The following KCNIP4 variants were observed in gnomAD, a reference collection of about 807,000 sequenced individuals.
KCNIP4 encodes Kv channel-interacting protein 4.
In KCNIP4, 12 loss-of-function variants were observed where a neutral mutation model predicts 34.0. The observed-to-expected ratio is 0.35, with a 90% CI of 0.23 to 0.57. The LOEUF is 0.57. KCNIP4 is among the 20% of genes least tolerant of loss of function. The pLI is 0.83. For missense variants in KCNIP4, 238 were observed against 311.7 expected (o/e 0.76, Z 1.78); for synonymous variants, 124 against 102.2 (o/e 1.21, Z -1.29).
At chr4:21,276,346 A>T (rs1212988842) in intron 1 of KCNIP4, among the ~76,000 whole-genome samples, 1 of 149,116 alleles carries the variant, frequency 6.7e-6, no homozygotes, top group Non-Finnish European at 1.5e-5. Flanking sequence ...TAGTCCTAGT[A>T]AACTGAGATT....
intron 1 of KCNIP4, among the ~76,000 whole-genome samples, chr4:21,864,532 A>C (rs1725302427): frequency 6.6e-6 from 1 of 152,232 alleles, no homozygotes; most frequent in African/African-American, 2.4e-5. Context: ...GAAAAATCTC[A>C]GGATTCCTCC....
At chr4:20,791,291 T>G (rs1712722892) in intron 3 of KCNIP4, among the ~76,000 whole-genome samples, 1 of 152,086 alleles carries the variant, frequency 6.6e-6, no homozygotes, top group South Asian at 2.1e-4. Flanking sequence ...ACAAGAAATG[T>G]TGAAAAAAGT....
intron 3 of KCNIP4, among the ~76,000 whole-genome samples, chr4:20,833,786 C>T (rs1718716931): frequency 6.6e-6 from 1 of 152,148 alleles, no homozygotes; most frequent in South Asian, 2.1e-4. Flanking sequence ...TTCTAAGGGC[C>T]CTGCAGACTG....
chr4:21,514,847 A>C (rs2109931799), intron 1 of KCNIP4, among the ~76,000 whole-genome samples: 1 of 152,292 alleles, frequency 6.6e-6, no homozygotes, highest in African/African-American at 2.4e-5. Context: ...TCACTATCTA[A>C]GCCTGATGTA....
At chr4:21,029,111 C>G (rs956138384) in intron 1 of KCNIP4, among the ~76,000 whole-genome samples, 3 of 152,066 alleles carry the variant, frequency 2.0e-5, no homozygotes, top group Admixed American at 2.0e-4. Flanking sequence ...ATTATCTATA[C>G]GTTTAAAATG....
intron 1 of KCNIP4, among the ~76,000 whole-genome samples, chr4:21,937,780 C>T (rs1490927344): frequency 6.6e-6 from 1 of 152,034 alleles, no homozygotes; most frequent in African/African-American, 2.4e-5. Flanking sequence ...GTACTCTCTG[C>T]CTTCCACTGC....
intron 1 of KCNIP4, among the ~76,000 whole-genome samples, chr4:21,727,728 C>T (rs1715299789): frequency 6.6e-6 from 1 of 152,014 alleles, no homozygotes; most frequent in South Asian, 2.1e-4. Flanking sequence ...ACTCAGGAGG[C>T]TGAGACACAA....
intron 1 of KCNIP4, among the ~76,000 whole-genome samples, chr4:21,637,488 G>A (rs1311841892): frequency 6.6e-6 from 1 of 152,000 alleles, no homozygotes; most frequent in Admixed American, 6.6e-5. Context: ...CTTAAAAGAT[G>A]AGAAAACAGG....
chr4:21,219,653 G>C (rs1757848151), intron 1 of KCNIP4, among the ~76,000 whole-genome samples: 1 of 152,138 alleles, frequency 6.6e-6, no homozygotes, highest in Non-Finnish European at 1.5e-5. Context: ...ATTGTAAGGA[G>C]ACCTCAGAGA....
chr4:21,190,330 G>A (rs113139739), intron 1 of KCNIP4, among the ~76,000 whole-genome samples: 8 of 152,046 alleles, frequency 5.3e-5, no homozygotes, highest in South Asian at 2.1e-4. Context: ...GTATTGGTTC[G>A]TTGGTATTGG....
intron 1 of KCNIP4, among the ~76,000 whole-genome samples, chr4:21,721,902 A>G (rs1386598262): frequency 6.6e-6 from 1 of 152,210 alleles, no homozygotes; most frequent in East Asian, 1.9e-4. Context: ...TGCTGTGTTC[A>G]TAAGACATGA....
chr4:20,931,094 T>C (rs1403361788), intron 1 of KCNIP4, among the ~76,000 whole-genome samples: 1 of 151,918 alleles, frequency 6.6e-6, no homozygotes, highest in Non-Finnish European at 1.5e-5. Flanking sequence ...ACTCCCATGC[T>C]CATTGCATCT....
At chr4:21,942,184 A>G (rs1363564793) in intron 1 of KCNIP4, among the ~76,000 whole-genome samples, 3 of 152,212 alleles carry the variant, frequency 2.0e-5, no homozygotes, top group Non-Finnish European at 2.9e-5. Context: ...TGACATCTCC[A>G]TGCCTTTTTA....
intron 1 of KCNIP4, among the ~76,000 whole-genome samples, chr4:21,807,750 C>G (rs996800310): frequency 6.6e-6 from 1 of 152,140 alleles, no homozygotes. Flanking sequence ...AATTTCTGAC[C>G]TATCTAATCC....
At chr4:21,548,732 T>C (rs967025625) in intron 1 of KCNIP4, among the ~76,000 whole-genome samples, 1 of 152,084 alleles carries the variant, frequency 6.6e-6, no homozygotes, top group Non-Finnish European at 1.5e-5. Context: ...GGGAAGGTGA[T>C]ATGAATGCAT....
At chr4:21,019,791 G>A (rs1442174220) in intron 1 of KCNIP4, among the ~76,000 whole-genome samples, 1 of 151,892 alleles carries the variant, frequency 6.6e-6, no homozygotes, top group Non-Finnish European at 1.5e-5. Context: ...ATTTATATAG[G>A]GGTTCTATTA....
intron 1 of KCNIP4, among the ~76,000 whole-genome samples, chr4:21,250,129 T>C (rs1760589337): frequency 6.6e-6 from 1 of 151,470 alleles, no homozygotes; most frequent in South Asian, 2.1e-4. Flanking sequence ...TCTTTTTTTT[T>C]TTCCCCCAGG....
chr4:21,101,759 G>A (rs1375182223), intron 1 of KCNIP4, among the ~76,000 whole-genome samples: 1 of 151,974 alleles, frequency 6.6e-6, no homozygotes, highest in Non-Finnish European at 1.5e-5. Flanking sequence ...AAAACAAATG[G>A]CATACACTAT....
At chr4:21,348,433 T>C (rs1375709502) in intron 1 of KCNIP4, among the ~76,000 whole-genome samples, 5 of 152,200 alleles carry the variant, frequency 3.3e-5, no homozygotes, top group Admixed American at 2.0e-4. Context: ...ATTTGTATTC[T>C]GGCCTGTGCT....
Sources: gnomAD v4.1 joint callset for allele counts (sites outside exome capture counted in the v4.1 genomes callset) on GRCh38, gnomAD v4.1.1 for gene constraint, MANE v1.5 for transcripts, NCBI Gene and HGNC (gene_info 2026-07-23, HGNC 2026-07-21) for gene names.